Variants in RBFOX3 observed in about 807,000 individuals in gnomAD.
RBFOX3 encodes RNA binding fox-1 homolog 3, also known as RNA binding protein fox-1 homolog 3.
A neutral mutation model predicts 48.7 loss-of-function variants in RBFOX3; 17 were observed. The observed-to-expected ratio is 0.35, with a 90% CI of 0.24 to 0.52. The LOEUF is 0.52. Ranked by LOEUF, RBFOX3 falls within the 20% of genes least tolerant of loss-of-function variation. The probability of loss-of-function intolerance (pLI) is 0.94; values close to 1 mark genes in which losing one functional copy is unlikely to be tolerated. For synonymous variants in RBFOX3, 212 were observed against 209.5 expected, an observed-to-expected ratio of 1.01 and a Z score of -0.10; for missense variants, 382 against 497.5, an observed-to-expected ratio of 0.77 and a Z score of 2.21.
intron 2 of RBFOX3, among the ~76,000 whole-genome samples, chr17:79,415,891 G>T (rs1171223797): frequency 6.6e-6 from 1 of 152,122 alleles, no homozygotes; most frequent in African/African-American, 2.4e-5. Flanking sequence ...GACCCCAGGG[G>T]AGCCCACACA....
At chr17:79,154,969 T>A (rs1044527207) in intron 4 of RBFOX3, among the ~76,000 whole-genome samples, 7 of 142,290 alleles carry the variant, frequency 4.9e-5, no homozygotes, top group African/African-American at 1.8e-4. Flanking sequence ...CAGGTGGCGC[T>A]GGCAGCCCAG....
chr17:79,194,065 G>C lies in RBFOX3; in HGVS notation c.-34+41701C>G, dbSNP rs113937554. ...ACCCTGATGTTCTCCCTGCCCTGTG[G>C]GTTCATTTTCCTTGGAAAAAAATTT... On this transcript the variant is annotated intron_variant, in intron 4 of 14. Transcript: ENST00000693108. 2.0e-3 allele frequency among the ~76,000 whole-genome samples: 306 copies of C among 152,220 alleles called. 3 individuals carry two copies. Among genetic ancestry groups the C allele is most frequent in the Middle Eastern group, 0.01 (3 of 294 alleles).
intron 3 of RBFOX3, among the ~76,000 whole-genome samples, chr17:79,288,434 G>A (rs2072476689): frequency 6.6e-6 from 1 of 152,108 alleles, no homozygotes; most frequent in Non-Finnish European, 1.5e-5. Flanking sequence ...TGGACTTCCT[G>A]GTAGTGGGGC....
chr17:79,315,576 T>A (rs1459496539), intron 2 of RBFOX3, among the ~76,000 whole-genome samples: 1 of 152,216 alleles, frequency 6.6e-6, no homozygotes, highest in Non-Finnish European at 1.5e-5. Flanking sequence ...ATGTGCACCC[T>A]GGTCCTTGCT....
chr17:79,561,774 G>C (rs1014456144), intron 1 of RBFOX3, among the ~76,000 whole-genome samples: 1 of 152,196 alleles, frequency 6.6e-6, no homozygotes, highest in Admixed American at 6.5e-5. Context: ...CTCTTCCCAA[G>C]AGAGGGGCAC....
chr17:79,262,308 G>A (rs1049717404), intron 3 of RBFOX3, among the ~76,000 whole-genome samples: 2 of 152,246 alleles, frequency 1.3e-5, no homozygotes, highest in African/African-American at 2.4e-5. Flanking sequence ...GCCCCGGACA[G>A]GGGCTGTGGG....
At chr17:79,237,440 G>A (rs1167646110) in intron 3 of RBFOX3, among the ~76,000 whole-genome samples, 1 of 152,212 alleles carries the variant, frequency 6.6e-6, no homozygotes, top group Non-Finnish European at 1.5e-5. Flanking sequence ...CCCAGCTGGT[G>A]AAGCGACTGT....
intron 3 of RBFOX3, among the ~76,000 whole-genome samples, chr17:79,301,819 C>T (rs1488013113): frequency 2.6e-5 from 4 of 152,118 alleles, no homozygotes; most frequent in Non-Finnish European, 5.9e-5. Context: ...GAATGAGCCC[C>T]GAAGATCTTA....
intron 3 of RBFOX3, among the ~76,000 whole-genome samples, chr17:79,286,110 TG>T (rs1182849301): frequency 1.3e-5 from 2 of 152,178 alleles, no homozygotes; most frequent in African/African-American, 2.4e-5. Flanking sequence ...AGCTGAGTAC[TG>T]GTGCAGAGTC....
At chr17:79,129,485 GC>G (rs2038237644) in intron 4 of RBFOX3, among the ~76,000 whole-genome samples, 1 of 103,764 alleles carries the variant, frequency 9.6e-6, no homozygotes, top group East Asian at 2.1e-4. Context: ...CTTCCCCCAA[GC>G]CCCCCAGGCT....
chr17:79,126,004 C>T (rs2037156197), intron 4 of RBFOX3, among the ~76,000 whole-genome samples: 1 of 152,240 alleles, frequency 6.6e-6, no homozygotes, highest in African/African-American at 2.4e-5. Context: ...CCACCCCCTG[C>T]ACATTTAATT....
intron 2 of RBFOX3, among the ~76,000 whole-genome samples, chr17:79,431,150 G>A (rs1408701840): frequency 6.6e-6 from 1 of 152,148 alleles, no homozygotes; most frequent in Non-Finnish European, 1.5e-5. Flanking sequence ...GGGAATCCAG[G>A]GCCCAGCTGA....
At chr17:79,493,691 G>A (rs2081029823) in intron 1 of RBFOX3, among the ~76,000 whole-genome samples, 2 of 152,158 alleles carry the variant, frequency 1.3e-5, no homozygotes, top group Non-Finnish European at 2.9e-5. Context: ...ACCTATGAAG[G>A]CTGGGAAATA....
At chr17:79,378,095 C>A (rs538739766) in intron 2 of RBFOX3, among the ~76,000 whole-genome samples, 6 of 152,328 alleles carry the variant, frequency 3.9e-5, no homozygotes, top group Non-Finnish European at 7.3e-5. Flanking sequence ...CCCCGTGACT[C>A]CCAACACAGC....
intron 4 of RBFOX3, among the ~76,000 whole-genome samples, chr17:79,167,353 C>T (rs73410069): frequency 0.16 from 24,249 of 152,028 alleles, 2,881 homozygotes; most frequent in African/African-American, 0.33. Flanking sequence ...CTCTATCAGG[C>T]TCTGGGGGCC....
chr17:79,341,689 T>C (rs1007623830), intron 2 of RBFOX3, among the ~76,000 whole-genome samples: 43 of 152,030 alleles, frequency 2.8e-4, no homozygotes, highest in Non-Finnish European at 5.9e-4. Context: ...GGTGTGTGCA[T>C]GGGGGACAGA....
chr17:79,429,605 TGGGGAGCCCA>T (rs1167411256), intron 2 of RBFOX3, among the ~76,000 whole-genome samples: 1 of 152,008 alleles, frequency 6.6e-6, no homozygotes, highest in Non-Finnish European at 1.5e-5. Context: ...AGGGGGCACC[TGGGGAGCCCA>T]GGGGAGCCTG....
At chr17:79,142,189 C>A (rs1347334715) in intron 4 of RBFOX3, among the ~76,000 whole-genome samples, 2 of 152,204 alleles carry the variant, frequency 1.3e-5, no homozygotes, top group Non-Finnish European at 2.9e-5. Context: ...GTGACACTTT[C>A]ATTTCACAAA....
intron 2 of RBFOX3, among the ~76,000 whole-genome samples, chr17:79,317,254 CTT>C (rs2077668496): frequency 6.6e-6 from 1 of 152,264 alleles, no homozygotes; most frequent in Admixed American, 6.5e-5. Flanking sequence ...AGTCTGCACT[CTT>C]TCCACCAAAC....
Sources: gnomAD v4.1 joint callset for allele counts (sites outside exome capture counted in the v4.1 genomes callset) on GRCh38, gnomAD v4.1.1 for gene constraint, MANE v1.5 for transcripts, NCBI Gene and HGNC (gene_info 2026-07-23, HGNC 2026-07-21) for gene names.